The following NDUFA13 variants were observed in gnomAD, a reference collection of about 807,000 sequenced individuals.
NDUFA13 encodes NADH:ubiquinone oxidoreductase subunit A13.
Under a neutral mutation model 17.0 loss-of-function variants are expected in NDUFA13, and 16 were observed. That is an observed-to-expected ratio of 0.94 (90% CI 0.64 to 1.43). The LOEUF (loss-of-function observed/expected upper bound fraction) is 1.43. Ranked by LOEUF, NDUFA13 falls within the 40% of genes most tolerant of loss-of-function variation. NDUFA13 has a pLI of 0.00. For missense variants in NDUFA13, 228 were observed against 206.7 expected, an observed-to-expected ratio of 1.10 and a Z score of -0.63; for synonymous variants, 87 against 78.4, an observed-to-expected ratio of 1.11 and a Z score of -0.58.
intron 1 of NDUFA13, among the ~76,000 whole-genome samples, chr19:19,521,664 A>G (rs1055483666): frequency 1.2e-3 from 44 of 35,618 alleles, no homozygotes; most frequent in Non-Finnish European, 4.5e-4. Context: ...GTGTAGTGGC[A>G]CGATCTCTGC....
In NDUFA13 at chr19:19,516,395, C is replaced by G. The variant is rs576193274; in HGVS notation, c.94+63C>G. ...CACTCGGGGCTCGGGGGCGGGGTTCCGGGGACACAGGCGGGCCTCAGTTTT... is the reference window on the plus strand; with the variant it reads ...CACTCGGGGCTCGGGGGCGGGGTTCGGGGGACACAGGCGGGCCTCAGTTTT... On this transcript the variant is annotated intron_variant, in intron 1 of 4. Coordinates refer to ENST00000507754, the MANE Select transcript of NDUFA13 (RefSeq NM_015965.7). 1.4e-5 allele frequency: 22 copies of G among 1,560,928 alleles called. No homozygotes were observed. The East Asian group carries it at 4.8e-4, about 34-fold the overall frequency.
chr19:19,527,684 C>G lies in NDUFA13; in HGVS notation c.246-17C>G, dbSNP rs770569958. ...GGCACTGAGGCCCCACCCCCACCAT[C>G]GGCCCCATCCCCACAGGACCTTGCA... On this transcript the variant is annotated splice_polypyrimidine_tract_variant and intron_variant, in intron 3 of 4. Transcript: ENST00000507754. 1 of 1,548,534 alleles carries G rather than the reference C, an allele frequency of 6.5e-7. No individual in the cohort carries two copies. Among genetic ancestry groups the G allele is most frequent in the South Asian group, 1.2e-5 (1 of 84,010 alleles).
chr19:19,525,893 T>C (rs78176666), intron 1 of NDUFA13: 106,672 of 680,258 alleles, frequency 0.16, 8,921 homozygotes, highest in Middle Eastern at 0.26. Flanking sequence ...GAACTGCCCT[T>C]CCACTTCAGG....
intron 1 of NDUFA13, among the ~76,000 whole-genome samples, chr19:19,516,975 C>T (rs1338057924): frequency 1.3e-5 from 2 of 151,938 alleles, no homozygotes; most frequent in Non-Finnish European, 2.9e-5. Flanking sequence ...TTAGTAGAGA[C>T]GGGGTTTCTC....
intron 1 of NDUFA13, among the ~76,000 whole-genome samples, chr19:19,516,751 C>T (rs1469251956): frequency 2.0e-5 from 3 of 152,296 alleles, no homozygotes; most frequent in Admixed American, 1.3e-4. Flanking sequence ...GCAGCCCCCG[C>T]CTGCATGGTG....
Position 19,516,291 on chromosome 19 carries a change from C to T in NDUFA13, c.53C>T (p.Pro18Leu), listed in dbSNP as rs762373825. 1.2e-6 allele frequency: 2 copies of T among 1,613,744 alleles called. No individual in the cohort carries two copies. The highest frequency in any genetic ancestry group is 4.5e-5 in the East Asian group (2 of 44,892). The change falls in exon 1 of 5, where the codon CCC becomes CTC. Residue 18 changes from proline (P) to leucine (L), a missense_variant. Coordinates refer to ENST00000507754, the MANE Select transcript of NDUFA13 (RefSeq NM_015965.7). ...QDMPPPGGYG[P>L]IDYKRNLPRR... ...ATGCCTCCGCCGGGGGGCTATGGGC[C>T]CATCGACTACAAACGGAACTTGCCG...
At position 19,526,253 on chromosome 19, in the gene NDUFA13, G is replaced by A. The variant is rs1239567236; in HGVS notation, c.166G>A (p.Glu56Lys). 2 of 1,614,116 alleles carry A rather than the reference G, an allele frequency of 1.2e-6. No individual in the cohort carries two copies. Among genetic ancestry groups the A allele is most frequent in the Admixed American group, 1.7e-5 (1 of 60,022 alleles). ...CTGGAGCATAATGAAGTGGAACCGT[G>A]AGCGCAGGTAGGGCCCCTGGTGGGC... ...GHWSIMKWNR[E>K]RRRLQIEDFE... Residue 56 changes from glutamate (E) to lysine (K), a missense_variant, in exon 2 of 5, where the codon GAG becomes AAG. Glu to Lys is a moderately conservative substitution (Grantham distance 56). Coordinates refer to ENST00000507754, the MANE Select transcript of NDUFA13 (RefSeq NM_015965.7).
chr19:19,519,045 A>ATTTTTTTTTTTTTT (rs71170693), intron 1 of NDUFA13, among the ~76,000 whole-genome samples: 24 of 114,870 alleles, frequency 2.1e-4, no homozygotes, highest in Non-Finnish European at 3.1e-4. Flanking sequence ...GGCCCGGCCT[A>ATTTTTTTTTTTTTT]TTTTTTTTTT....
chr19:19,524,983 G>A (rs1464956640), intron 1 of NDUFA13, among the ~76,000 whole-genome samples: 3 of 152,126 alleles, frequency 2.0e-5, no homozygotes, highest in Admixed American at 2.0e-4. Flanking sequence ...GCTGCATTGA[G>A]CCATGATTGC....
Position 19,516,282 on chromosome 19 carries a change from G to T in NDUFA13, c.44G>T (p.Gly15Val). 1.2e-6 allele frequency: 2 copies of T among 1,613,946 alleles called. No homozygotes were observed. The highest frequency in any genetic ancestry group is 1.7e-5 in the Admixed American group (1 of 60,028). Reference sequence around the variant, plus strand: ...AAGCAGGACATGCCTCCGCCGGGGGGCTATGGGCCCATCGACTACAAACGG... The same window carrying T: ...AAGCAGGACATGCCTCCGCCGGGGGTCTATGGGCCCATCGACTACAAACGG... ...KVKQDMPPPG[G>V]YGPIDYKRNL... Residue 15 changes from glycine to valine, a missense_variant, in exon 1 of 5, where the codon GGC (glycine) becomes GTC (valine). By Grantham distance (109) the Gly-to-Val change is moderately radical (BLOSUM62 -3). Coordinates refer to ENST00000507754, the MANE Select transcript of NDUFA13 (RefSeq NM_015965.7).
At chr19:19,520,036 G>A (rs1182168330) in intron 1 of NDUFA13, among the ~76,000 whole-genome samples, 5 of 146,338 alleles carry the variant, frequency 3.4e-5, no homozygotes, top group Admixed American at 7.1e-5. Context: ...GTGCAGTGGC[G>A]CGATCTCAGC....
intron 1 of NDUFA13, among the ~76,000 whole-genome samples, chr19:19,524,055 G>GCTGCGCCC (rs1555726676): frequency 3.8e-5 from 2 of 52,632 alleles, no homozygotes; most frequent in Non-Finnish European, 6.9e-5. Flanking sequence ...AGCGTGAGCC[G>GCTGCGCCC]AAAAAATTTG....
intron 3 of NDUFA13, 82 bp downstream of exon 3, chr19:19,527,434 G>C (rs2061107258): frequency 1.3e-6 from 2 of 1,518,072 alleles, no homozygotes; most frequent in Non-Finnish European, 9.1e-7. Context: ...CCCCGAAGGT[G>C]GCCAGAATGC....
At position 19,527,818 on chromosome 19, in the gene NDUFA13, G is replaced by A. The variant is rs770588331; in HGVS notation, c.315+48G>A. The A allele has an allele frequency of 1.3e-5, 20 of 1,536,862 alleles. No individual in the cohort carries two copies. In the South Asian group the frequency reaches 2.4e-4, roughly 18 times the overall value. On this transcript the variant is annotated intron_variant, in intron 4 of 4. Coordinates refer to ENST00000507754, the MANE Select transcript of NDUFA13 (RefSeq NM_015965.7). ...GAGGTGCCAGCCACGGCAGAGACAGGGCCTGGGGTTGGGGAGCTCCCACAG... is the reference window on the plus strand; with the variant it reads ...GAGGTGCCAGCCACGGCAGAGACAGAGCCTGGGGTTGGGGAGCTCCCACAG...
Position 19,518,729 on chromosome 19 carries a change from A to ATTTT in NDUFA13, c.94+2423_94+2426dup, listed in dbSNP as rs566386690. On this transcript the variant is annotated intron_variant, in intron 1 of 4. Coordinates refer to ENST00000507754, the MANE Select transcript of NDUFA13 (RefSeq NM_015965.7). ...CAGGTGGGCGCCACCATGCCCTGCG[A>ATTTT]TTTTTTTTTTTTTTTTTTTTTTTTT... Among the ~76,000 whole-genome samples the ATTTT allele has an allele frequency of 1.5e-3, 50 of 34,126 alleles. 2 individuals are homozygous for ATTTT. The highest frequency in any genetic ancestry group is 4.2e-3 in the African/African-American group (46 of 10,998). 22.4% of individuals were successfully genotyped at this position (34,126 alleles called of 152,430 possible).
intron 3 of NDUFA13, 65 bp downstream of exon 3, chr19:19,527,417 C>T: frequency 6.4e-7 from 1 of 1,571,498 alleles, no homozygotes; most frequent in Non-Finnish European, 8.7e-7. Flanking sequence ...CAGGGCCTGA[C>T]CTGCATCCCC....
At position 19,518,727 on chromosome 19, in the gene NDUFA13, CG is replaced by C. The variant is rs2061062050; in HGVS notation, c.94+2396del. On this transcript the variant is annotated intron_variant, in intron 1 of 4. Coordinates refer to ENST00000507754, the MANE Select transcript of NDUFA13 (RefSeq NM_015965.7). ...TACAGGTGGGCGCCACCATGCCCTG[CG>C]ATTTTTTTTTTTTTTTTTTTTTTTT... Among the ~76,000 whole-genome samples the C allele has an allele frequency of 9.8e-5, 9 of 91,718 alleles. No homozygotes were observed. The South Asian group carries it at 3.3e-3, about 34-fold the overall frequency. 60.2% of individuals were successfully genotyped at this position (91,718 alleles called of 152,430 possible). A position where few individuals can be genotyped will look rare whatever the true frequency, so the allele number is the denominator to read the frequency against.
chr19:19,520,487 G>A (rs1367070357), intron 1 of NDUFA13, among the ~76,000 whole-genome samples: 2 of 152,044 alleles, frequency 1.3e-5, no homozygotes, highest in Non-Finnish European at 2.9e-5. Flanking sequence ...AAAGTTAGTC[G>A]GGTATGGTGG....
chr19:19,525,169 C>T (rs1165264580), intron 1 of NDUFA13, among the ~76,000 whole-genome samples: 1 of 152,232 alleles, frequency 6.6e-6, no homozygotes, highest in Non-Finnish European at 1.5e-5. Context: ...TGCCTCTGAG[C>T]CCGGACCCAG....
Sources: gnomAD v4.1 joint callset for allele counts (sites outside exome capture counted in the v4.1 genomes callset) on GRCh38, gnomAD v4.1.1 for gene constraint, MANE v1.5 for transcripts, NCBI Gene and HGNC (gene_info 2026-07-23, HGNC 2026-07-21) for gene names.